The following SH3PXD2A variants were observed in gnomAD, a reference collection of about 807,000 sequenced individuals.
SH3PXD2A encodes SH3 and PX domain-containing protein 2A.
SH3PXD2A carries 32 observed loss-of-function variants against 115.2 expected under a neutral mutation model. The ratio of observed to expected loss-of-function variants is 0.28; its 90% CI spans 0.21 to 0.37. The LOEUF is 0.37. Ranked by LOEUF, SH3PXD2A falls within the 10% of genes least tolerant of loss-of-function variation. The pLI is 1.00. For missense variants in SH3PXD2A, 1,328 were observed against 1,498.7 expected, an observed-to-expected ratio of 0.89 and a Z score of 1.88; for synonymous variants, 610 against 629.1, an observed-to-expected ratio of 0.97 and a Z score of 0.45.
chr10:103,720,129 C>T (rs903910973), intron 5 of SH3PXD2A, among the ~76,000 whole-genome samples: 1 of 152,336 alleles, frequency 6.6e-6, no homozygotes, highest in Middle Eastern at 3.4e-3. Context: ...GCTGGTTCCC[C>T]ACAGATGGCG....
At chr10:103,786,230 T>C (rs1429544409) in intron 2 of SH3PXD2A, among the ~76,000 whole-genome samples, 1 of 152,122 alleles carries the variant, frequency 6.6e-6, no homozygotes. Flanking sequence ...CTGCAGCACA[T>C]CAAAGTGGCA....
intron 7 of SH3PXD2A, 43 bp downstream of exon 7, chr10:103,668,564 TG>T: frequency 6.6e-7 from 1 of 1,523,348 alleles, no homozygotes; most frequent in Non-Finnish European, 8.9e-7. Context: ...CACACGGACC[TG>T]GAACACACAT....
chr10:103,642,818 G>A (rs1052858417), intron 8 of SH3PXD2A, among the ~76,000 whole-genome samples: 2 of 152,072 alleles, frequency 1.3e-5, no homozygotes, highest in African/African-American at 4.8e-5. Context: ...GTACATGTAC[G>A]AGTTTGTATA....
intron 1 of SH3PXD2A, among the ~76,000 whole-genome samples, chr10:103,818,799 C>T (rs1278723045): frequency 6.6e-6 from 1 of 152,118 alleles, no homozygotes; most frequent in South Asian, 2.1e-4. Context: ...TGTGATCTCA[C>T]CCACCCTCCA....
chr10:103,758,465 A>T (rs1028930225), intron 3 of SH3PXD2A, among the ~76,000 whole-genome samples: 1 of 152,210 alleles, frequency 6.6e-6, no homozygotes. Flanking sequence ...GAAATTGCTC[A>T]TCTATTTGTC....
chr10:103,671,724 G>T (rs2134084486), intron 6 of SH3PXD2A, among the ~76,000 whole-genome samples: 1 of 152,292 alleles, frequency 6.6e-6, no homozygotes, highest in Admixed American at 6.5e-5. Flanking sequence ...GGGCTGGGAA[G>T]ACGGGGAGTT....
intron 1 of SH3PXD2A, among the ~76,000 whole-genome samples, chr10:103,829,306 C>T (rs902563170): frequency 2.6e-5 from 4 of 152,126 alleles, no homozygotes; most frequent in Admixed American, 1.3e-4. Context: ...CGCAGGCATC[C>T]GATCTTCTCT....
intron 2 of SH3PXD2A, among the ~76,000 whole-genome samples, chr10:103,780,958 C>A (rs955250568): frequency 6.6e-6 from 1 of 152,192 alleles, no homozygotes; most frequent in African/African-American, 2.4e-5. Flanking sequence ...ACACGCCCTG[C>A]CACCCTTGCT....
At chr10:103,626,470 C>T (rs1223303488) in intron 9 of SH3PXD2A, among the ~76,000 whole-genome samples, 1 of 152,162 alleles carries the variant, frequency 6.6e-6, no homozygotes, top group Non-Finnish European at 1.5e-5. Context: ...TGGGCTCAGG[C>T]AGCCTGCTCT....
chr10:103,749,461 A>G (rs972275930), intron 3 of SH3PXD2A, among the ~76,000 whole-genome samples: 15 of 152,232 alleles, frequency 9.9e-5, no homozygotes, highest in Non-Finnish European at 1.8e-4. Flanking sequence ...AACGTAGCCT[A>G]TAAGCTTCTG....
At chr10:103,642,356 G>T (rs1298518223) in intron 8 of SH3PXD2A, among the ~76,000 whole-genome samples, 2 of 152,196 alleles carry the variant, frequency 1.3e-5, no homozygotes, top group African/African-American at 4.8e-5. Context: ...CTAGACAGGG[G>T]TTAAAGATCA....
Position 103,627,094 on chromosome 10 carries a change from C to G in SH3PXD2A, c.713G>C (p.Gly238Ala). ...TTGGACCTGCAAGCCCTCACCTTCTCCAGTCTTAGAGGTGTTGATGTCGGA... is the reference window on the plus strand; with the variant it reads ...TTGGACCTGCAAGCCCTCACCTTCTGCAGTCTTAGAGGTGTTGATGTCGGA... ...DDSDINTSKT[G>A]EVSKRRKAHL... The change falls in exon 9 of 15, where the codon GGA becomes GCA. Residue 238 changes from glycine (G) to alanine (A), a missense_variant. By Grantham distance (60) the Gly-to-Ala change is moderately conservative. Around this residue, in one of 5 missense-constraint regions of SH3PXD2A, gnomAD observed 509 missense variants for 628.3 expected, o/e 0.81. Coordinates refer to ENST00000369774, the MANE Select transcript of SH3PXD2A (RefSeq NM_001394015.1). The surrounding 1 kb of genome is among the most constrained non-coding windows in gnomAD (Gnocchi z 4.4). The G allele has an allele frequency of 6.3e-7, 1 of 1,594,776 alleles. No individual in the cohort carries two copies. Among genetic ancestry groups the G allele is most frequent in the Non-Finnish European group, 8.6e-7 (1 of 1,162,318 alleles).
chr10:103,730,271 T>C (rs1288593025), intron 4 of SH3PXD2A, among the ~76,000 whole-genome samples: 2 of 130,070 alleles, frequency 1.5e-5, no homozygotes, highest in Non-Finnish European at 1.6e-5. Flanking sequence ...TGCACACTGA[T>C]TTTTTTTGTT....
intron 1 of SH3PXD2A, among the ~76,000 whole-genome samples, chr10:103,840,285 C>A (rs2039584764): frequency 6.6e-6 from 1 of 152,214 alleles, no homozygotes; most frequent in African/African-American, 2.4e-5. Flanking sequence ...GCCAGACACC[C>A]TAATCTAGCT....
chr10:103,670,751 A>G (rs1021911390), intron 6 of SH3PXD2A, among the ~76,000 whole-genome samples: 2 of 152,232 alleles, frequency 1.3e-5, no homozygotes, highest in Non-Finnish European at 2.9e-5. Context: ...CTCCTTGGGG[A>G]GCAGGAGCAA....
At chr10:103,839,557 GCAGCCCCTCCCCCAAGGCCACA>G (rs1389741042) in intron 1 of SH3PXD2A, among the ~76,000 whole-genome samples, 8 of 151,990 alleles carry the variant, frequency 5.3e-5, no homozygotes, top group South Asian at 2.1e-4. Context: ...GCAGAAAGCT[GCAGCCCCTCCCCCAAGGCCACA>G]CAGCCCCTCC....
intron 2 of SH3PXD2A, among the ~76,000 whole-genome samples, chr10:103,771,887 A>C (rs1333372224): frequency 6.6e-6 from 1 of 152,072 alleles, no homozygotes; most frequent in Non-Finnish European, 1.5e-5. Flanking sequence ...TCTGGGCAGG[A>C]CCTCAGGTGC....
chr10:103,729,299 T>C (rs952055811), intron 4 of SH3PXD2A, among the ~76,000 whole-genome samples: 8 of 152,236 alleles, frequency 5.3e-5, no homozygotes, highest in Admixed American at 1.3e-4. Context: ...ACTGCGGTGC[T>C]GATTTTCCAG....
intron 2 of SH3PXD2A, among the ~76,000 whole-genome samples, chr10:103,774,276 T>G (rs988646023): frequency 1.3e-5 from 2 of 152,264 alleles, no homozygotes; most frequent in Non-Finnish European, 2.9e-5. Flanking sequence ...TTATACGGAT[T>G]GGATCATTTC....
Sources: gnomAD v4.1 joint callset for allele counts (sites outside exome capture counted in the v4.1 genomes callset) on GRCh38, gnomAD v4.1.1 for gene constraint, gnomAD v4.1.1 regional missense constraint, Gnocchi (gnomAD v3.1) non-coding constraint, MANE v1.5 for transcripts, NCBI Gene and HGNC (gene_info 2026-07-23, HGNC 2026-07-21) for gene names.